Variants in IGHMBP2 observed in about 807,000 individuals in gnomAD.
IGHMBP2 encodes immunoglobulin mu DNA binding protein 2, also known as DNA-binding protein SMUBP-2.
IGHMBP2 carries 81 observed loss-of-function variants against 96.0 expected under a neutral mutation model. That is an observed-to-expected ratio of 0.84 (90% CI 0.71 to 1.01). The LOEUF is 1.01. Ranked by LOEUF, IGHMBP2 falls within the 50% of genes least tolerant of loss-of-function variation. The pLI, the probability that IGHMBP2 is intolerant of heterozygous loss-of-function variation, is 0.00. For missense variants in IGHMBP2, 1,227 were observed against 1,306.3 expected, an observed-to-expected ratio of 0.94 and a Z score of 0.94; for synonymous variants, 557 against 548.9, an observed-to-expected ratio of 1.01 and a Z score of -0.21.
At chr11:68,937,162 G>C in intron 13 of IGHMBP2, 71 bp downstream of exon 13, 1 of 1,568,460 alleles carries the variant, frequency 6.4e-7, no homozygotes, top group Non-Finnish European at 8.7e-7. Flanking sequence ...GAGCCCACCT[G>C]CCACCATCAA....
At chr11:68,924,476 C>T (rs1230949947) in intron 7 of IGHMBP2, among the ~76,000 whole-genome samples, 5 of 152,244 alleles carry the variant, frequency 3.3e-5, no homozygotes, top group African/African-American at 1.2e-4. Context: ...CACAAGGCTG[C>T]GATCGAGGTG....
chr11:68,908,904 G>T (rs185327554), intron 4 of IGHMBP2, among the ~76,000 whole-genome samples: 12 of 150,048 alleles, frequency 8.0e-5, no homozygotes, highest in African/African-American at 2.7e-4. Context: ...GCAGTGGCGC[G>T]ATCTCAGCTC....
rs1159890391 is a variant in IGHMBP2, at chr11:68,938,342, C to A, written c.2772C>A (p.His924Gln). 1 of 1,610,640 alleles carries A rather than the reference C, an allele frequency of 6.2e-7. No individual in the cohort carries two copies. Among genetic ancestry groups the A allele is most frequent in the East Asian group, 2.2e-5 (1 of 44,820 alleles). The change falls in exon 14 of 15, where the codon CAC becomes CAA. Residue 924 changes from histidine to glutamine, a missense_variant. His to Gln is a conservative substitution (Grantham distance 24). This residue lies in a region of IGHMBP2 where 703 missense variants were observed against 770.3 expected (regional missense o/e 0.91). Transcript: ENST00000255078. ...QLCSRRYCLS[H>Q]HLPEIHGCGE... is the part of the protein sequence containing the mutation. ...GCAGCCGCCGCTACTGCCTCAGCCACCACCTGCCCGAGGTATGTCGGCCTC... is the reference window on the plus strand; with the variant it reads ...GCAGCCGCCGCTACTGCCTCAGCCAACACCTGCCCGAGGTATGTCGGCCTC...
chr11:68,904,541 C>T (rs1435303388), intron 1 of IGHMBP2, among the ~76,000 whole-genome samples: 1 of 152,036 alleles, frequency 6.6e-6, no homozygotes. Flanking sequence ...GAGGAAGGCC[C>T]TTCCCTGGGG....
At chr11:68,924,039 C>T (rs1858974168) in intron 7 of IGHMBP2, among the ~76,000 whole-genome samples, 1 of 152,142 alleles carries the variant, frequency 6.6e-6, no homozygotes, top group South Asian at 2.1e-4. Context: ...CCAGGGCTCA[C>T]CTCCTTTGTC....
chr11:68,911,317 C>G, intron 4 of IGHMBP2, 123 bp from the exon 5 acceptor site: 1 of 930,568 alleles, frequency 1.1e-6, no homozygotes, highest in Non-Finnish European at 1.7e-6. Context: ...TGGGTTGCCC[C>G]TGGGGAGGTC....
At chr11:68,914,754 T>G in intron 5 of IGHMBP2, 69 bp from the exon 6 acceptor site, 1 of 1,517,018 alleles carries the variant, frequency 6.6e-7, no homozygotes, top group South Asian at 1.1e-5. Flanking sequence ...AGGCTTTTTG[T>G]TGTTTTAGTG....
chr11:68,934,823 C>G (rs890571150), intron 11 of IGHMBP2, among the ~76,000 whole-genome samples: 1 of 152,224 alleles, frequency 6.6e-6, no homozygotes, highest in African/African-American at 2.4e-5. Context: ...TGGGTGACCC[C>G]GGCAGCCTCA....
rs746048688 is a variant in IGHMBP2 at position 68,935,358 on chromosome 11, C to T, written c.1692C>T (p.Val564=). 10 of 1,614,044 alleles carry T rather than the reference C, an allele frequency of 6.2e-6. No homozygotes were observed. The highest frequency in any genetic ancestry group is 4.5e-5 in the East Asian group (2 of 44,906). Reference sequence around the variant, plus strand: ...ACCCTGAGCTTGAAATCAAGTCTGTCGATGGCTTCCAAGGCCGAGAGAAGG... The same window carrying T: ...ACCCTGAGCTTGAAATCAAGTCTGTTGATGGCTTCCAAGGCCGAGAGAAGG... ...HRHPELEIKS[V]DGFQGREKEA... is the part of the protein sequence containing the mutation. Residue 564 remains valine (V), a synonymous_variant, in exon 12 of 15, where the codon GTC becomes GTT. Coordinates refer to ENST00000255078, the MANE Select transcript of IGHMBP2 (RefSeq NM_002180.3).
chr11:68,917,933 G>A (rs755356060), intron 7 of IGHMBP2, 50 bp downstream of exon 7: 4 of 1,583,896 alleles, frequency 2.5e-6, no homozygotes, highest in Non-Finnish European at 3.5e-6. Flanking sequence ...AAGGAGTTGG[G>A]GTGTGTTCCC....
chr11:68,919,143 C>T (rs1858780713), intron 7 of IGHMBP2, among the ~76,000 whole-genome samples: 2 of 152,154 alleles, frequency 1.3e-5, no homozygotes, highest in South Asian at 4.2e-4. Flanking sequence ...GGGAAATGTC[C>T]AGATATCTTT....
chr11:68,938,284 G>C lies in IGHMBP2; in HGVS notation c.2714G>C (p.Gly905Ala). 1 of 1,613,652 alleles carries C rather than the reference G, an allele frequency of 6.2e-7. No homozygotes were observed. Among genetic ancestry groups the C allele is most frequent in the Non-Finnish European group, 8.5e-7 (1 of 1,180,016 alleles). ...NTCGFAKCTA[G>A]VTTLGQFCQL... ...TGCGGCTTTGCCAAGTGCACAGCCG[G>C]CGTCACAACCCTGGGCCAGTTCTGC... The change falls in exon 14 of 15, where the codon GGC (glycine) becomes GCC (alanine). Residue 905 changes from glycine (G) to alanine (A), a missense_variant. Around this residue, in one of 3 missense-constraint regions of IGHMBP2, gnomAD observed 703 missense variants for 770.3 expected, o/e 0.91. Transcript: ENST00000255078.
chr11:68,906,614 A>G (rs960791026), intron 2 of IGHMBP2, among the ~76,000 whole-genome samples: 1 of 148,774 alleles, frequency 6.7e-6, no homozygotes, highest in Non-Finnish European at 1.5e-5. Context: ...AAAATATCTT[A>G]TTAAAATAAT....
rs1269757725 is a variant in IGHMBP2, at chr11:68,933,457, C to A, written c.1394C>A (p.Ser465Tyr). Reference sequence around the variant, plus strand: ...TACCTTGGGCAGCTCACAGCCCACTCTTCCGTGGCAAGGCACCTCCTGAGG... The same window carrying A: ...TACCTTGGGCAGCTCACAGCCCACTATTCCGTGGCAAGGCACCTCCTGAGG... The part of the protein sequence containing the change: ...TMYLGQLTAH[S>Y]SVARHLLRDL... The change falls in exon 9 of 15, where the codon TCT becomes TAT. Residue 465 changes from serine to tyrosine, a missense_variant. Coordinates refer to ENST00000255078, the MANE Select transcript of IGHMBP2 (RefSeq NM_002180.3). The A allele has an allele frequency of 4.3e-6, 7 of 1,612,770 alleles. No homozygotes were observed. In the East Asian group the frequency reaches 1.6e-4, roughly 36 times the overall value.
At chr11:68,923,720 C>G (rs1001643486) in intron 7 of IGHMBP2, among the ~76,000 whole-genome samples, 1 of 152,134 alleles carries the variant, frequency 6.6e-6, no homozygotes, top group East Asian at 1.9e-4. Flanking sequence ...GGTGCTGTTC[C>G]CGGCCTTGTG....
chr11:68,930,239 C>T (rs990132436), intron 8 of IGHMBP2: 1 of 1,267,314 alleles, frequency 7.9e-7, no homozygotes, highest in Non-Finnish European at 1.0e-6. Flanking sequence ...GCATCCTGGC[C>T]CTCACTTCCA....
intron 6 of IGHMBP2, among the ~76,000 whole-genome samples, chr11:68,915,385 G>T (rs546214693): frequency 6.6e-6 from 1 of 151,714 alleles, no homozygotes; most frequent in African/African-American, 2.4e-5. Context: ...TCATCATACT[G>T]GTCAGGCTGG....
chr11:68,936,184 A>G lies in IGHMBP2; in HGVS notation c.1757-53A>G, dbSNP rs545725606. 19 of 1,603,532 alleles carry G rather than the reference A, an allele frequency of 1.2e-5. No individual in the cohort carries two copies. The South Asian group carries it at 1.2e-4, about 10-fold the overall frequency. On this transcript the variant is annotated intron_variant, in intron 12 of 14. Coordinates refer to ENST00000255078, the MANE Select transcript of IGHMBP2 (RefSeq NM_002180.3). ...TTACTGATAAGGGCGTAGGAGCCTG[A>G]CTGTGTTTCTTAGTCTGAAACCTGC...
chr11:68,914,718 A>C (rs1858579461), intron 5 of IGHMBP2, 105 bp from the exon 6 acceptor site: 7 of 1,166,374 alleles, frequency 6.0e-6, no homozygotes, highest in South Asian at 2.4e-5. Flanking sequence ...ACGTGTGTAC[A>C]TGCCTTGTGC....
Sources: gnomAD v4.1 joint callset for allele counts (sites outside exome capture counted in the v4.1 genomes callset) on GRCh38, gnomAD v4.1.1 for gene constraint, gnomAD v4.1.1 regional missense constraint, MANE v1.5 for transcripts, NCBI Gene and HGNC (gene_info 2026-07-23, HGNC 2026-07-21) for gene names.